CYRIA: variants seen among roughly 807,000 people sequenced by gnomAD.
CYRIA encodes CYFIP-related Rac1 interactor A.
CYRIA carries 15 observed loss-of-function variants against 43.9 expected under a neutral mutation model. The observed-to-expected ratio is 0.34, with a 90% CI of 0.23 to 0.53. The LOEUF (loss-of-function observed/expected upper bound fraction) is 0.53. Among genes scored for constraint, CYRIA ranks in the 20% least tolerant of loss-of-function variants. CYRIA has a pLI of 0.94. For synonymous variants in CYRIA, 117 were observed against 136.0 expected, an observed-to-expected ratio of 0.86 and a Z score of 0.97; for missense variants, 236 against 394.2, an observed-to-expected ratio of 0.60 and a Z score of 3.40.
At chr2:16,578,381 AAAT>A (rs1293129087) in intron 3 of CYRIA, among the ~76,000 whole-genome samples, 2 of 152,354 alleles carry the variant, frequency 1.3e-5, no homozygotes, top group East Asian at 1.9e-4. Context: ...CAAAGCAAGA[AAAT>A]ATCACCAGAA....
chr2:16,647,035 G>T (rs1558441273), intron 1 of CYRIA, among the ~76,000 whole-genome samples: 4 of 152,120 alleles, frequency 2.6e-5, no homozygotes, highest in Admixed American at 1.3e-4. Flanking sequence ...TAACCATGTT[G>T]GTTAATTACT....
At chr2:16,625,473 C>T (rs935700196) in intron 1 of CYRIA, among the ~76,000 whole-genome samples, 16 of 152,200 alleles carry the variant, frequency 1.1e-4, no homozygotes, top group African/African-American at 3.4e-4. Flanking sequence ...CTGAAATGTC[C>T]TTGGCTTGAT....
chr2:16,639,083 A>G (rs1425281868), intron 1 of CYRIA, among the ~76,000 whole-genome samples: 1 of 152,200 alleles, frequency 6.6e-6, no homozygotes, highest in Non-Finnish European at 1.5e-5. Flanking sequence ...ATTGGGAGGG[A>G]GAGTATGAAG....
chr2:16,634,429 C>A (rs1669431150), intron 1 of CYRIA, among the ~76,000 whole-genome samples: 1 of 152,216 alleles, frequency 6.6e-6, no homozygotes, highest in South Asian at 2.1e-4. Context: ...AGTCCCTGCC[C>A]AAGAGACCAT....
intron 3 of CYRIA, among the ~76,000 whole-genome samples, chr2:16,583,454 C>T (rs1196519933): frequency 6.6e-6 from 1 of 152,130 alleles, no homozygotes; most frequent in African/African-American, 2.4e-5. Context: ...AAAATGGATT[C>T]TTGGGAATAA....
In CYRIA at chr2:16,576,492, C is replaced by T. The variant is rs374428497; in HGVS notation, c.71-10725G>A. ...GCATCGTCGAAGCTATTATTTCACC[C>T]TGTCTTGGAAATCTTCCCAGGATTG... On this transcript the variant is annotated intron_variant, in intron 3 of 11. Coordinates refer to ENST00000381323, the MANE Select transcript of CYRIA (RefSeq NM_030797.4). Among the ~76,000 whole-genome samples, 7 of 152,286 alleles carry T rather than the reference C, an allele frequency of 4.6e-5. 1 individual carries two copies. The highest frequency in any genetic ancestry group is 3.9e-4 in the Admixed American group (6 of 15,298).
chr2:16,602,952 A>G (rs547496166), intron 2 of CYRIA, among the ~76,000 whole-genome samples: 118 of 152,130 alleles, frequency 7.8e-4, no homozygotes, highest in African/African-American at 2.3e-3. Flanking sequence ...TACCCTTGGC[A>G]GAGCTTGCCA....
intron 2 of CYRIA, among the ~76,000 whole-genome samples, chr2:16,622,561 C>A (rs1251002072): frequency 3.3e-5 from 5 of 152,096 alleles, no homozygotes. Flanking sequence ...TCTCCTGTAA[C>A]AAGAAACCAT....
At chr2:16,653,407 A>G (rs565217098) in intron 1 of CYRIA, among the ~76,000 whole-genome samples, 1 of 152,098 alleles carries the variant, frequency 6.6e-6, no homozygotes, top group African/African-American at 2.4e-5. Flanking sequence ...CCTTCACTCA[A>G]TCCTCACCTT....
intron 6 of CYRIA, 79 bp downstream of exon 6, chr2:16,561,926 C>A (rs1283606890): frequency 7.1e-7 from 1 of 1,400,496 alleles, no homozygotes; most frequent in Non-Finnish European, 9.8e-7. Context: ...CCACCCACCC[C>A]ACAGCACTAA....
chr2:16,564,206 C>T, intron 4 of CYRIA, 112 bp from the exon 5 acceptor site: 2 of 730,574 alleles, frequency 2.7e-6, no homozygotes, highest in Non-Finnish European at 4.4e-6. Flanking sequence ...CTGATGTATA[C>T]TACTTAAATC....
intron 10 of CYRIA, among the ~76,000 whole-genome samples, chr2:16,558,088 A>C (rs79369008): frequency 3.5e-4 from 54 of 152,148 alleles, no homozygotes; most frequent in Non-Finnish European, 5.9e-4. Flanking sequence ...ATGTCCACAC[A>C]AGCATCTATA....
chr2:16,664,272 A>G (rs1670336430), intron 1 of CYRIA, among the ~76,000 whole-genome samples: 2 of 152,220 alleles, frequency 1.3e-5, no homozygotes, highest in African/African-American at 2.4e-5. Context: ...ACAGGAACCC[A>G]GGGCCAGCAG....
chr2:16,616,430 C>A (rs1668794999), intron 2 of CYRIA, among the ~76,000 whole-genome samples: 1 of 152,212 alleles, frequency 6.6e-6, no homozygotes, highest in Middle Eastern at 3.2e-3. Flanking sequence ...CCTGGCTCCC[C>A]CGGGCTCCTG....
rs1332524885 is a variant in CYRIA at position 16,550,520 on chromosome 2, CTGAGTCTTGGCTT to C, written c.*2403_*2415del. On this transcript the variant is annotated 3_prime_UTR_variant, in exon 12 of 12. Transcript: ENST00000381323. ...TGGACTTCTCAGAATCCATGTACTGCTGAGTCTTGGCTTTGAGACAAGACAAGTCTTGGCTAAA... is the reference window on the plus strand; with the variant it reads ...TGGACTTCTCAGAATCCATGTACTGCTGAGACAAGACAAGTCTTGGCTAAA... 1 of 152,150 alleles carries C rather than the reference CTGAGTCTTGGCTT, an allele frequency of 6.6e-6. No homozygotes were observed. The highest frequency in any genetic ancestry group is 2.4e-5 in the African/African-American group (1 of 41,448). The allele number at this position is 152,150 out of a possible 1,614,324, so 9.4% of individuals were successfully genotyped here.
At chr2:16,560,143 G>T (rs187149409) in intron 9 of CYRIA, among the ~76,000 whole-genome samples, 14 of 152,272 alleles carry the variant, frequency 9.2e-5, no homozygotes, top group Non-Finnish European at 7.4e-5. Flanking sequence ...TGATGATTCA[G>T]ATAATTCAGG....
intron 3 of CYRIA, among the ~76,000 whole-genome samples, chr2:16,583,725 T>G (rs1488620000): frequency 6.6e-6 from 1 of 152,104 alleles, no homozygotes; most frequent in Non-Finnish European, 1.5e-5. Context: ...CATTTCTCCC[T>G]GTCTCCCAGA....
intron 1 of CYRIA, among the ~76,000 whole-genome samples, chr2:16,636,479 C>T (rs1170827458): frequency 6.6e-6 from 1 of 152,172 alleles, no homozygotes; most frequent in Non-Finnish European, 1.5e-5. Context: ...TGCCCAGCCC[C>T]TTGCTTTGTG....
At chr2:16,555,029 C>T in intron 11 of CYRIA, 40 bp downstream of exon 11, 1 of 1,571,632 alleles carries the variant, frequency 6.4e-7, no homozygotes, top group Non-Finnish European at 8.7e-7. Context: ...CCCTGAAAGG[C>T]TGGCTGTTCC....
Sources: allele counts gnomAD v4.1 joint callset (sites outside exome capture counted in the v4.1 genomes callset), GRCh38; gene constraint gnomAD v4.1.1; transcripts MANE v1.5; gene names NCBI Gene and HGNC (gene_info 2026-07-23, HGNC 2026-07-21).